The following CCSER1 variants were observed in gnomAD, a reference collection of about 807,000 sequenced individuals.
CCSER1 encodes coiled-coil serine rich protein 1, also known as serine-rich coiled-coil domain-containing protein 1.
In CCSER1, 41 loss-of-function variants were observed where a neutral mutation model predicts 82.0. That is an observed-to-expected ratio of 0.50 (90% CI 0.39 to 0.65). The LOEUF is 0.65. Ranked by LOEUF, CCSER1 falls within the 30% of genes least tolerant of loss-of-function variation. The pLI is 0.00. For synonymous variants in CCSER1, 414 were observed against 383.9 expected (o/e 1.08, Z -0.92); for missense variants, 1,119 against 1,064.2 (o/e 1.05, Z -0.72).
chr4:90,733,179 C>G (rs568750734), intron 7 of CCSER1, among the ~76,000 whole-genome samples: 2 of 152,334 alleles, frequency 1.3e-5, no homozygotes, highest in Admixed American at 1.3e-4. Context: ...CTCTTCACAT[C>G]CTCCAAAGCA....
At chr4:91,489,350 A>T (rs1758388213) in intron 10 of CCSER1, among the ~76,000 whole-genome samples, 1 of 152,166 alleles carries the variant, frequency 6.6e-6, no homozygotes, top group African/African-American at 2.4e-5. Context: ...GTAATTAGAC[A>T]GTTCTTTTTT....
At position 91,005,989 on chromosome 4, in the gene CCSER1, T is replaced by C. The variant is rs562666410; in HGVS notation, c.2173-79961T>C. Among the ~76,000 whole-genome samples the C allele has an allele frequency of 3.9e-5, 6 of 152,348 alleles. No homozygotes were observed. The South Asian group carries it at 1.2e-3, about 32-fold the overall frequency. Reference sequence around the variant, plus strand: ...GTTACTATAGCTTTATAAGTTTATTTTGAAATCAGATAGCATGATACCTCT... The same window carrying C: ...GTTACTATAGCTTTATAAGTTTATTCTGAAATCAGATAGCATGATACCTCT... On this transcript the variant is annotated intron_variant, in intron 9 of 10. Coordinates refer to ENST00000509176, the MANE Select transcript of CCSER1 (RefSeq NM_001145065.2).
At chr4:91,063,451 A>C (rs1053909124) in intron 9 of CCSER1, among the ~76,000 whole-genome samples, 1 of 152,192 alleles carries the variant, frequency 6.6e-6, no homozygotes, top group African/African-American at 2.4e-5. Context: ...TGAAAAATAA[A>C]GAGATTCTTG....
intron 5 of CCSER1, among the ~76,000 whole-genome samples, chr4:90,535,633 A>T (rs1436069234): frequency 6.6e-6 from 1 of 152,216 alleles, no homozygotes; most frequent in Non-Finnish European, 1.5e-5. Context: ...CTAGAATGTA[A>T]GCACTATAAG....
At chr4:90,669,697 C>T (rs1481257444) in intron 6 of CCSER1, among the ~76,000 whole-genome samples, 1 of 151,908 alleles carries the variant, frequency 6.6e-6, no homozygotes, top group Non-Finnish European at 1.5e-5. Context: ...AATCATGTCA[C>T]CTTCATTTGA....
At chr4:90,406,366 T>G (rs748974100) in intron 4 of CCSER1, among the ~76,000 whole-genome samples, 3 of 152,126 alleles carry the variant, frequency 2.0e-5, no homozygotes, top group Non-Finnish European at 4.4e-5. Flanking sequence ...AGAAAACAAT[T>G]ACAATTAGAC....
At position 91,196,156 on chromosome 4, in the gene CCSER1, C is replaced by T. The variant is rs185239972; in HGVS notation, c.2217+110162C>T. 5.9e-4 allele frequency among the ~76,000 whole-genome samples: 85 copies of T among 145,050 alleles called. No individual in the cohort carries two copies. In the East Asian group the frequency reaches 0.016, roughly 28 times the overall value. ...GAGCAGAGATTGCTCCACAGCAGTCCGGCCTGGGCCAAACAGCGAGACAAA... is the reference window on the plus strand; with the variant it reads ...GAGCAGAGATTGCTCCACAGCAGTCTGGCCTGGGCCAAACAGCGAGACAAA... On this transcript the variant is annotated intron_variant, in intron 10 of 10. Transcript: ENST00000509176.
At chr4:90,219,938 T>C (rs544516988) in intron 1 of CCSER1, among the ~76,000 whole-genome samples, 2 of 152,308 alleles carry the variant, frequency 1.3e-5, no homozygotes, top group East Asian at 3.9e-4. Flanking sequence ...TTTATGTTGC[T>C]AATATTTCTC....
At chr4:91,491,210 C>G (rs904049137) in intron 10 of CCSER1, among the ~76,000 whole-genome samples, 1 of 151,512 alleles carries the variant, frequency 6.6e-6, no homozygotes, top group African/African-American at 2.4e-5. Flanking sequence ...ATTTTCTCAA[C>G]CAAAAAGTTA....
intron 10 of CCSER1, among the ~76,000 whole-genome samples, chr4:91,307,727 A>G (rs1477971109): frequency 6.6e-6 from 1 of 151,990 alleles, no homozygotes; most frequent in Admixed American, 6.6e-5. Flanking sequence ...AAACAGTATA[A>G]CTGCTTAAAT....
chr4:91,044,448 A>G (rs983473805), intron 9 of CCSER1, among the ~76,000 whole-genome samples: 2 of 152,228 alleles, frequency 1.3e-5, no homozygotes, highest in African/African-American at 4.8e-5. Context: ...TAATTCATGT[A>G]TAGACAAATC....
intron 1 of CCSER1, among the ~76,000 whole-genome samples, chr4:90,154,363 C>T (rs185505339): frequency 1.5e-4 from 23 of 152,288 alleles, no homozygotes; most frequent in African/African-American, 4.8e-4. Flanking sequence ...GCGATGCGGG[C>T]TCTTTTTTGG....
At chr4:91,377,336 C>G (rs1218782982) in intron 10 of CCSER1, among the ~76,000 whole-genome samples, 1 of 152,168 alleles carries the variant, frequency 6.6e-6, no homozygotes, top group Admixed American at 6.5e-5. Flanking sequence ...CTGTCTTCCA[C>G]AATGGTTGAA....
At chr4:90,521,062 A>G (rs939378523) in intron 5 of CCSER1, among the ~76,000 whole-genome samples, 1 of 152,212 alleles carries the variant, frequency 6.6e-6, no homozygotes, top group Non-Finnish European at 1.5e-5. Flanking sequence ...TACGCATTCT[A>G]GGAGTTGATT....
chr4:90,566,837 C>T (rs62314380), intron 5 of CCSER1, among the ~76,000 whole-genome samples: 1 of 151,834 alleles, frequency 6.6e-6, no homozygotes, highest in African/African-American at 2.4e-5. Context: ...CTCCTGACCT[C>T]GTGATCCGCC....
intron 10 of CCSER1, among the ~76,000 whole-genome samples, chr4:91,330,897 A>G (rs1403827978): frequency 6.6e-6 from 1 of 152,188 alleles, no homozygotes; most frequent in Non-Finnish European, 1.5e-5. Context: ...TTTAAATTGC[A>G]TGCAGTTTTG....
Position 90,808,706 on chromosome 4 carries a change from A to G in CCSER1, c.2011-7056A>G, listed in dbSNP as rs115597614. ...ACAATGAGATGTCACTTTATCCAGAATAACCATTATTAAAAAATCAAAAGA... is the reference window on the plus strand; with the variant it reads ...ACAATGAGATGTCACTTTATCCAGAGTAACCATTATTAAAAAATCAAAAGA... On this transcript the variant is annotated intron_variant, in intron 7 of 10. Coordinates refer to ENST00000509176, the MANE Select transcript of CCSER1 (RefSeq NM_001145065.2). Among the ~76,000 whole-genome samples the G allele has an allele frequency of 4.7e-3, 717 of 152,278 alleles. 5 individuals are homozygous for G. The highest frequency in any genetic ancestry group is 0.016 in the African/African-American group (676 of 41,576).
intron 10 of CCSER1, among the ~76,000 whole-genome samples, chr4:91,390,161 T>C (rs1751559483): frequency 6.6e-6 from 1 of 151,972 alleles, no homozygotes; most frequent in Non-Finnish European, 1.5e-5. Flanking sequence ...TAGCTGTAGG[T>C]TTTTTGTAGA....
chr4:90,748,498 C>T (rs1292126040), intron 7 of CCSER1, among the ~76,000 whole-genome samples: 18 of 148,812 alleles, frequency 1.2e-4, no homozygotes, highest in Admixed American at 2.7e-4. Context: ...AATAAACATA[C>T]GTGTGCATGT....
Sources: gnomAD v4.1 joint callset for allele counts (sites outside exome capture counted in the v4.1 genomes callset) on GRCh38, gnomAD v4.1.1 for gene constraint, MANE v1.5 for transcripts, NCBI Gene and HGNC (gene_info 2026-07-23, HGNC 2026-07-21) for gene names.